CNTNAP2: variants seen among roughly 807,000 people sequenced by gnomAD.
CNTNAP2 encodes the protein contactin-associated protein-like 2.
Under a neutral mutation model 155.2 loss-of-function variants are expected in CNTNAP2, and 98 were observed. The ratio of observed to expected loss-of-function variants is 0.63; its 90% CI spans 0.54 to 0.75. The LOEUF (loss-of-function observed/expected upper bound fraction) is 0.75. CNTNAP2 is among the 30% of genes least tolerant of loss of function. CNTNAP2 has a pLI of 0.00. For synonymous variants in CNTNAP2, 651 were observed against 631.2 expected (o/e 1.03, Z -0.47); for missense variants, 1,727 against 1,688.1 (o/e 1.02, Z -0.40).
rs200296355 is a variant in CNTNAP2 at position 148,339,811 on chromosome 7, T to A, written c.3476-43838T>A. 3.3e-5 allele frequency among the ~76,000 whole-genome samples: 5 copies of A among 152,274 alleles called. No individual in the cohort carries two copies. The South Asian group carries it at 8.3e-4, about 25-fold the overall frequency. ...GCAAGCAGCGCTTTTGGTCAAAAAA[T>A]TTCCGATTCTTGATCTTCTCTCTGC... On this transcript the variant is annotated intron_variant, in intron 21 of 23. Coordinates refer to ENST00000361727, the MANE Select transcript of CNTNAP2 (RefSeq NM_014141.6).
intron 10 of CNTNAP2, among the ~76,000 whole-genome samples, chr7:147,414,023 TG>T (rs1429722959): frequency 6.6e-6 from 1 of 152,240 alleles, no homozygotes; most frequent in Non-Finnish European, 1.5e-5. Flanking sequence ...CAAAGCTTTA[TG>T]TACTTCTGTT....
intron 11 of CNTNAP2, among the ~76,000 whole-genome samples, chr7:147,517,544 C>G (rs1221042171): frequency 3.3e-5 from 5 of 152,118 alleles, no homozygotes; most frequent in Non-Finnish European, 7.4e-5. Context: ...TGAAAATGCA[C>G]AATAAGTATA....
At position 148,415,559 on chromosome 7, in the gene CNTNAP2, C is replaced by T. The variant is rs777786908; in HGVS notation, c.3939C>T (p.Asn1313=). The T allele has an allele frequency of 9.9e-6, 16 of 1,614,102 alleles. No homozygotes were observed. Among genetic ancestry groups the T allele is most frequent in the Admixed American group, 5.0e-5 (3 of 60,012 alleles). Residue 1313 remains asparagine, a synonymous_variant, in exon 24 of 24, where the codon AAC becomes AAT. Coordinates refer to ENST00000361727, the MANE Select transcript of CNTNAP2 (RefSeq NM_014141.6). The part of the protein sequence containing the change: ...SAESADAAIM[N]NDPNFTETID... Reference sequence around the variant, plus strand: ...AGAGCGCGGACGCCGCCATCATGAACAACGACCCCAACTTCACAGAGACCA... The same window carrying T: ...AGAGCGCGGACGCCGCCATCATGAATAACGACCCCAACTTCACAGAGACCA...
chr7:146,508,256 A>G (rs573466902), intron 1 of CNTNAP2, among the ~76,000 whole-genome samples: 70 of 152,352 alleles, frequency 4.6e-4, no homozygotes, highest in African/African-American at 1.7e-3. Context: ...ACCTGGGGCC[A>G]GTGATACGTA....
chr7:148,386,368 A>G (rs1044757928), intron 22 of CNTNAP2, among the ~76,000 whole-genome samples: 1 of 152,138 alleles, frequency 6.6e-6, no homozygotes, highest in Admixed American at 6.5e-5. Flanking sequence ...TCTCTACTAA[A>G]AATACAAAAA....
At chr7:148,385,630 ATTAC>A (rs921879595) in intron 22 of CNTNAP2, among the ~76,000 whole-genome samples, 1 of 151,618 alleles carries the variant, frequency 6.6e-6, no homozygotes, top group Non-Finnish European at 1.5e-5. Flanking sequence ...TTTATGTATT[ATTAC>A]TTAATTAGGA....
chr7:146,238,629 C>G (rs943202478), intron 1 of CNTNAP2, among the ~76,000 whole-genome samples: 6 of 152,212 alleles, frequency 3.9e-5, no homozygotes, highest in Middle Eastern at 6.8e-3. Context: ...GAATGCAATT[C>G]GAGCATAAGA....
chr7:147,832,099 A>C (rs1335548303), intron 13 of CNTNAP2, among the ~76,000 whole-genome samples: 3 of 148,758 alleles, frequency 2.0e-5, no homozygotes, highest in African/African-American at 7.3e-5. Flanking sequence ...TGTTATATAT[A>C]ATTATATAAT....
chr7:147,156,682 A>G (rs916421386), intron 8 of CNTNAP2, among the ~76,000 whole-genome samples: 3 of 152,182 alleles, frequency 2.0e-5, no homozygotes, highest in African/African-American at 7.2e-5. Context: ...TATGTCAAGG[A>G]CTGTCAAGGA....
chr7:147,989,524 G>C (rs1303340892), intron 15 of CNTNAP2, among the ~76,000 whole-genome samples: 1 of 152,144 alleles, frequency 6.6e-6, no homozygotes, highest in Non-Finnish European at 1.5e-5. Context: ...AAAGTGGCAG[G>C]CTTGATATCA....
chr7:147,455,339 G>T (rs1167265748), intron 10 of CNTNAP2, among the ~76,000 whole-genome samples: 1 of 152,032 alleles, frequency 6.6e-6, no homozygotes, highest in African/African-American at 2.4e-5. Context: ...AAATATATTT[G>T]TTATTATAAC....
intron 1 of CNTNAP2, among the ~76,000 whole-genome samples, chr7:146,584,485 T>C (rs538360301): frequency 5.9e-5 from 9 of 152,352 alleles, no homozygotes; most frequent in African/African-American, 1.9e-4. Context: ...ACAGTCATGA[T>C]TGATTTAAGG....
chr7:148,299,200 C>T (rs1004929882), intron 21 of CNTNAP2, among the ~76,000 whole-genome samples: 1 of 152,080 alleles, frequency 6.6e-6, no homozygotes, highest in African/African-American at 2.4e-5. Flanking sequence ...CCGTGTTAGC[C>T]AGAATGGTCT....
At chr7:147,365,992 CT>C (rs1796223951) in intron 9 of CNTNAP2, among the ~76,000 whole-genome samples, 1 of 152,134 alleles carries the variant, frequency 6.6e-6, no homozygotes, top group South Asian at 2.1e-4. Context: ...GATTATGATG[CT>C]GAAATAATTA....
At chr7:147,445,236 T>G (rs1797713532) in intron 10 of CNTNAP2, among the ~76,000 whole-genome samples, 1 of 152,224 alleles carries the variant, frequency 6.6e-6, no homozygotes. Context: ...ATGGATGATT[T>G]AAAGTTATTA....
At chr7:148,217,755 C>T (rs1171824504) in intron 19 of CNTNAP2, among the ~76,000 whole-genome samples, 2 of 152,206 alleles carry the variant, frequency 1.3e-5, no homozygotes, top group Admixed American at 6.5e-5. Flanking sequence ...AGGCATGTTG[C>T]GTTCTTTACA....
At chr7:147,738,662 A>T (rs10227620) in intron 13 of CNTNAP2, among the ~76,000 whole-genome samples, 1,545 of 11,146 alleles carry the variant, frequency 0.14, 387 homozygotes, top group East Asian at 0.33. Flanking sequence ...TTTTTTTTTT[A>T]TTTTTTTTTT....
intron 2 of CNTNAP2, among the ~76,000 whole-genome samples, chr7:146,838,838 C>A (rs1226868272): frequency 6.6e-6 from 1 of 152,056 alleles, no homozygotes; most frequent in Non-Finnish European, 1.5e-5. Flanking sequence ...ATTGGATAAT[C>A]TATTGAATAT....
intron 1 of CNTNAP2, among the ~76,000 whole-genome samples, chr7:146,629,837 G>A (rs1799481317): frequency 6.6e-6 from 1 of 152,108 alleles, no homozygotes; most frequent in Non-Finnish European, 1.5e-5. Flanking sequence ...GCAAATAATA[G>A]TTAACATAGG....
Sources: gnomAD v4.1 joint callset for allele counts (sites outside exome capture counted in the v4.1 genomes callset) on GRCh38, gnomAD v4.1.1 for gene constraint, MANE v1.5 for transcripts, NCBI Gene and HGNC (gene_info 2026-07-23, HGNC 2026-07-21) for gene names.